DENND2B: variants seen among roughly 807,000 people sequenced by gnomAD.
DENND2B encodes DENN domain-containing protein 2B.
In DENND2B, 32 loss-of-function variants were observed where a neutral mutation model predicts 116.0. The observed-to-expected ratio is 0.28, with a 90% confidence interval of 0.21 to 0.37. DENND2B has a LOEUF of 0.37. Ranked by LOEUF, DENND2B falls within the 10% of genes least tolerant of loss-of-function variation. DENND2B has a pLI of 1.00. For synonymous variants in DENND2B, 588 were observed against 583.9 expected (o/e 1.01, Z -0.10); for missense variants, 1,276 against 1,477.7 (o/e 0.86, Z 2.24).
At chr11:8,852,184 A>G (rs114628756) in intron 3 of DENND2B, among the ~76,000 whole-genome samples, 3 of 152,356 alleles carry the variant, frequency 2.0e-5, no homozygotes, top group Middle Eastern at 3.4e-3. Flanking sequence ...GACAAGCTAC[A>G]TGCAATTTCG....
intron 4 of DENND2B, among the ~76,000 whole-genome samples, chr11:8,719,792 A>G (rs1201125979): frequency 1.3e-5 from 2 of 152,260 alleles, no homozygotes; most frequent in African/African-American, 2.4e-5. Flanking sequence ...ATCACTGTCC[A>G]CATCACGGCA....
rs142777432 is a variant in DENND2B, at chr11:8,757,881, G to A, written c.-25-7156C>T. Among the ~76,000 whole-genome samples the A allele has an allele frequency of 6.8e-3, 1,032 of 152,250 alleles. 5 individuals are homozygous for A. The highest frequency in any genetic ancestry group is 0.012 in the Non-Finnish European group (827 of 68,022). On this transcript the variant is annotated intron_variant, in intron 1 of 19. Transcript: ENST00000313726. ...AATTTAGTTCTCACCATTCTACAAGGTAGTGATAATACAGTCTCCTTTTTT... is the reference window on the plus strand; with the variant it reads ...AATTTAGTTCTCACCATTCTACAAGATAGTGATAATACAGTCTCCTTTTTT...
chr11:8,818,172 G>C (rs2061642861), intron 4 of DENND2B, among the ~76,000 whole-genome samples: 3 of 92,800 alleles, frequency 3.2e-5, no homozygotes, highest in South Asian at 3.3e-4. Flanking sequence ...TAAGGTGGGA[G>C]AATCAGTTGA....
chr11:8,797,865 C>T (rs1468896107), intron 1 of DENND2B, among the ~76,000 whole-genome samples: 1 of 152,180 alleles, frequency 6.6e-6, no homozygotes, highest in African/African-American at 2.4e-5. Context: ...CACCCCCTTG[C>T]TCCCTACATT....
At chr11:8,787,895 G>A (rs1419993253) in intron 1 of DENND2B, among the ~76,000 whole-genome samples, 2 of 152,148 alleles carry the variant, frequency 1.3e-5, no homozygotes, top group Non-Finnish European at 2.9e-5. Flanking sequence ...CCAAAACTCT[G>A]ACACCTACAA....
At chr11:8,890,630 A>G (rs2064019768) in intron 1 of DENND2B, among the ~76,000 whole-genome samples, 1 of 152,226 alleles carries the variant, frequency 6.6e-6, no homozygotes, top group African/African-American at 2.4e-5. Flanking sequence ...CAACTGGAAG[A>G]AAGGGTATCA....
intron 4 of DENND2B, among the ~76,000 whole-genome samples, chr11:8,816,990 A>G (rs891127160): frequency 6.6e-6 from 1 of 152,174 alleles, no homozygotes; most frequent in Non-Finnish European, 1.5e-5. Context: ...GAGGTCCATC[A>G]CCAATGAACA....
At position 8,702,832 on chromosome 11, in the gene DENND2B, G is replaced by GTC; in HGVS notation, c.2572-114_2572-113dup. The GTC allele has an allele frequency of 7.4e-7, 1 of 1,342,884 alleles. No homozygotes were observed. The highest frequency in any genetic ancestry group is 1.5e-5 in the African/African-American group (1 of 68,892). The allele number at this position is 1,342,884 out of a possible 1,614,324, so 83.2% of individuals were successfully genotyped here. A position where few individuals can be genotyped will look rare whatever the true frequency, so the allele number is the denominator to read the frequency against. ...CCCCTTCCAACCTGCTCTTTTCCAG[G>GTC]TCTCTCGTCTACCCTGCTATGCAGT... is the stretch of plus-strand genomic sequence containing the variant. On this transcript the variant is annotated intron_variant, in intron 13 of 19. Coordinates refer to ENST00000313726, the MANE Select transcript of DENND2B (RefSeq NM_213618.2). The surrounding 1 kb of genome is among the most constrained non-coding windows in gnomAD (Gnocchi z 4.6).
At chr11:8,895,070 TA>T (rs1299457439) in intron 1 of DENND2B, among the ~76,000 whole-genome samples, 10 of 152,036 alleles carry the variant, frequency 6.6e-5, no homozygotes, top group Admixed American at 5.9e-4. Flanking sequence ...TATGCAGCCA[TA>T]AAAAAGGATG....
chr11:8,776,268 C>T, intron 1 of DENND2B: 1 of 455,638 alleles, frequency 2.2e-6, no homozygotes, highest in South Asian at 1.6e-5. Flanking sequence ...GGGCTCAAAT[C>T]ACTGGCAGCC....
chr11:8,783,088 T>C (rs1465037603), intron 1 of DENND2B, among the ~76,000 whole-genome samples: 1 of 140,436 alleles, frequency 7.1e-6, no homozygotes, highest in Non-Finnish European at 1.5e-5. Context: ...GGGGTCTCGC[T>C]CTATTGCCCA....
chr11:8,717,967 A>G, intron 4 of DENND2B, 75 bp from the exon 5 acceptor site: 2 of 1,530,364 alleles, frequency 1.3e-6, no homozygotes, highest in Non-Finnish European at 1.8e-6. Flanking sequence ...ACACAAATAA[A>G]CAAGCAGAAT....
intron 1 of DENND2B, among the ~76,000 whole-genome samples, chr11:8,752,329 G>T (rs1280723516): frequency 6.6e-6 from 1 of 152,044 alleles, no homozygotes; most frequent in East Asian, 1.9e-4. Context: ...GCAGGCAGCT[G>T]TAATCTCAGC....
intron 2 of DENND2B, among the ~76,000 whole-genome samples, chr11:8,879,820 G>T (rs1383939915): frequency 6.6e-6 from 1 of 152,150 alleles, no homozygotes; most frequent in Non-Finnish European, 1.5e-5. Flanking sequence ...TTAGAGGCAA[G>T]GAGGAGATAC....
intron 2 of DENND2B, among the ~76,000 whole-genome samples, chr11:8,867,304 A>G (rs1446593844): frequency 6.6e-6 from 1 of 152,164 alleles, no homozygotes; most frequent in African/African-American, 2.4e-5. Context: ...GTGGGTGTCC[A>G]ATGTCCTTAT....
Position 8,731,156 on chromosome 11 carries a change from T to C in DENND2B, c.134A>G (p.Tyr45Cys). ...PVLSPPRSPI[Y>C]PLSDSETSAC... ...TGAGGTTTCACTATCACTGAGCGGGTAGATGGGACTCCTTGGTGGGGAGAG... is the reference window on the plus strand; with the variant it reads ...TGAGGTTTCACTATCACTGAGCGGGCAGATGGGACTCCTTGGTGGGGAGAG... Residue 45 changes from tyrosine (Y) to cysteine (C), a missense_variant, in exon 3 of 20, where the codon TAC becomes TGC. This residue lies in a region of DENND2B where 856 missense variants were observed against 846.6 expected (regional missense o/e 1.01). Transcript: ENST00000313726. The C allele has an allele frequency of 6.4e-7, 1 of 1,556,320 alleles. No individual in the cohort carries two copies. Among genetic ancestry groups the C allele is most frequent in the Non-Finnish European group, 8.7e-7 (1 of 1,150,960 alleles).
At chr11:8,907,893 G>A (rs1238202967) in intron 1 of DENND2B, among the ~76,000 whole-genome samples, 2 of 152,006 alleles carry the variant, frequency 1.3e-5, no homozygotes, top group East Asian at 3.9e-4. Context: ...TAGAGACAGG[G>A]GTCTCACTAT....
At position 8,715,792 on chromosome 11, in the gene DENND2B, G is replaced by A. The variant is rs776466075; in HGVS notation, c.1656C>T (p.Ser552=). 2 of 1,606,846 alleles carry A rather than the reference G, an allele frequency of 1.2e-6. No homozygotes were observed. Among genetic ancestry groups the A allele is most frequent in the Non-Finnish European group, 8.5e-7 (1 of 1,174,180 alleles). The stretch of plus-strand genomic sequence containing the variant: ...TTTCTGACCAGTTCCCACTGCGCAG[G>A]GACTGGCTGTTGGGTTTCAGGGAAA... ...TQLSLKPNSQ[S]LRSGNWSERK... The change falls in exon 6 of 20, where the codon TCC becomes TCT. Residue 552 remains serine (S), a synonymous_variant. Coordinates refer to ENST00000313726, the MANE Select transcript of DENND2B (RefSeq NM_213618.2).
At chr11:8,807,905 C>G (rs2061017172) in intron 1 of DENND2B, 1 of 152,322 alleles carries the variant, frequency 6.6e-6, no homozygotes, top group African/African-American at 2.4e-5. Flanking sequence ...ATATGGCTGG[C>G]AGGTCTTCCC....
Sources: gnomAD v4.1 joint callset for allele counts (sites outside exome capture counted in the v4.1 genomes callset) on GRCh38, gnomAD v4.1.1 for gene constraint, gnomAD v4.1.1 regional missense constraint, Gnocchi (gnomAD v3.1) non-coding constraint, MANE v1.5 for transcripts, NCBI Gene and HGNC (gene_info 2026-07-23, HGNC 2026-07-21) for gene names.